KMO: variants seen among roughly 807,000 people sequenced by gnomAD.
KMO encodes the protein kynurenine 3-hydroxylase.
In KMO, 24 loss-of-function variants were observed where a neutral mutation model predicts 57.8. The ratio of observed to expected loss-of-function variants is 0.42; its 90% CI spans 0.30 to 0.58. KMO has a LOEUF of 0.58. Ranked by LOEUF, KMO falls within the 20% of genes least tolerant of loss-of-function variation. The pLI is 0.22. For missense variants in KMO, 483 were observed against 588.2 expected (o/e 0.82, Z 1.85); for synonymous variants, 210 against 193.6 (o/e 1.08, Z -0.70).
chr1:241,577,596 G>C (rs189416884), intron 10 of KMO, among the ~76,000 whole-genome samples: 120 of 152,182 alleles, frequency 7.9e-4, no homozygotes, highest in African/African-American at 2.7e-3. Context: ...GTGTGTACAA[G>C]TTCACGGTCT....
At chr1:241,566,262 A>G (rs940837783) in intron 8 of KMO, among the ~76,000 whole-genome samples, 8 of 152,186 alleles carry the variant, frequency 5.3e-5, no homozygotes, top group African/African-American at 1.9e-4. Context: ...AGAGTTTACA[A>G]TATAGAAATT....
At chr1:241,575,024 A>G (rs190345955) in intron 10 of KMO, among the ~76,000 whole-genome samples, 3 of 152,052 alleles carry the variant, frequency 2.0e-5, no homozygotes, top group East Asian at 3.9e-4. Flanking sequence ...AAATTTATCC[A>G]TTTCCTCTAG....
At chr1:241,554,375 C>G (rs940732733) in intron 4 of KMO, among the ~76,000 whole-genome samples, 4 of 151,790 alleles carry the variant, frequency 2.6e-5, no homozygotes, top group Admixed American at 2.6e-4. Context: ...ACTTAGGCCT[C>G]TCGGGTTCAA....
intron 1 of KMO, among the ~76,000 whole-genome samples, chr1:241,536,263 C>A (rs990526506): frequency 1.3e-5 from 2 of 152,064 alleles, no homozygotes; most frequent in Admixed American, 6.6e-5. Flanking sequence ...CAAAAAAAAC[C>A]TGCATTACAA....
intron 7 of KMO, among the ~76,000 whole-genome samples, 188 bp from the exon 8 acceptor site, chr1:241,564,798 GT>G (rs879251053): frequency 6.6e-6 from 1 of 152,136 alleles, no homozygotes; most frequent in South Asian, 2.1e-4. Context: ...CCTACCTAAG[GT>G]TGAGTTTATA....
chr1:241,566,265 T>C (rs1307170498), intron 8 of KMO, among the ~76,000 whole-genome samples: 1 of 152,118 alleles, frequency 6.6e-6, no homozygotes, highest in African/African-American at 2.4e-5. Context: ...GTTTACAATA[T>C]AGAAATTGTC....
intron 14 of KMO, among the ~76,000 whole-genome samples, chr1:241,591,410 A>G (rs1663293582): frequency 6.7e-6 from 1 of 149,480 alleles, no homozygotes; most frequent in Non-Finnish European, 1.5e-5. Context: ...TGAGTATTCA[A>G]GTAGATTTCT....
chr1:241,536,700 GA>G (rs911418392), intron 1 of KMO: 3 of 164,092 alleles, frequency 1.8e-5, no homozygotes, highest in Admixed American at 6.5e-5. Flanking sequence ...CTGCAAAAAA[GA>G]AACCCCACTG....
At chr1:241,549,604 A>G in intron 2 of KMO, 73 bp from the exon 3 acceptor site, 1 of 828,232 alleles carries the variant, frequency 1.2e-6, no homozygotes, top group Non-Finnish European at 2.0e-6. Flanking sequence ...AGTTGTTCAG[A>G]TGCAGTAATT....
At position 241,559,348 on chromosome 1, in the gene KMO, T is replaced by C. The variant is rs914670598; in HGVS notation, c.362-1317T>C. Among the ~76,000 whole-genome samples the C allele has an allele frequency of 3.3e-5, 5 of 152,334 alleles. No homozygotes were observed. The Middle Eastern group carries it at 0.01, about 311-fold the overall frequency. On this transcript the variant is annotated intron_variant, in intron 5 of 14. Transcript: ENST00000366559. ...TCAGCATTACTCTAGTCTTTGGCAA[T>C]GGAACAGTTTTTTTAGGGAGTATAT...
intron 1 of KMO, among the ~76,000 whole-genome samples, chr1:241,545,917 A>C (rs748018586): frequency 3.3e-5 from 5 of 152,176 alleles, no homozygotes; most frequent in South Asian, 2.1e-4. Context: ...TGGCAAATAC[A>C]ATGGCTAAAA....
chr1:241,548,238 C>T (rs1341878572), intron 1 of KMO, among the ~76,000 whole-genome samples: 1 of 152,032 alleles, frequency 6.6e-6, no homozygotes, highest in Non-Finnish European at 1.5e-5. Flanking sequence ...TGAGACCAGA[C>T]TGGGCAACAT....
At chr1:241,566,454 C>G (rs780794073) in intron 8 of KMO, 37 bp from the exon 9 acceptor site, 1 of 1,592,880 alleles carries the variant, frequency 6.3e-7, no homozygotes, top group Non-Finnish European at 8.6e-7. Context: ...TCACTTGGCC[C>G]CCATCCCCTT....
intron 1 of KMO, among the ~76,000 whole-genome samples, chr1:241,540,799 C>T (rs1026503332): frequency 6.6e-6 from 1 of 152,096 alleles, no homozygotes; most frequent in Non-Finnish European, 1.5e-5. Context: ...CATGATGGTT[C>T]ATGCCTATAA....
At chr1:241,553,102 A>G (rs1276896252) in intron 4 of KMO, among the ~76,000 whole-genome samples, 1 of 152,252 alleles carries the variant, frequency 6.6e-6, no homozygotes, top group Non-Finnish European at 1.5e-5. Flanking sequence ...TCCAAAGGAT[A>G]TATCTAACCT....
In KMO at chr1:241,594,321, G is replaced by A; in HGVS notation, c.*2168G>A. 8.0e-7 allele frequency: 1 copy of A among 1,245,206 alleles called. No homozygotes were observed. Among genetic ancestry groups the A allele is most frequent in the Non-Finnish European group, 1.1e-6 (1 of 895,162 alleles). 77.1% of individuals were successfully genotyped at this position (1,245,206 alleles called of 1,614,324 possible). A position where few individuals can be genotyped will look rare whatever the true frequency, so the allele number is the denominator to read the frequency against. ...ATTCGGATTTCCTGCTGGACCACAAGGTTCTGTTGATATTACATAGAACGG... is the reference window on the plus strand; with the variant it reads ...ATTCGGATTTCCTGCTGGACCACAAAGTTCTGTTGATATTACATAGAACGG... On this transcript the variant is annotated 3_prime_UTR_variant, in exon 15 of 15. Transcript: ENST00000366559.
At chr1:241,533,642 C>G (rs927036015) in intron 1 of KMO, among the ~76,000 whole-genome samples, 3 of 152,158 alleles carry the variant, frequency 2.0e-5, no homozygotes, top group Non-Finnish European at 2.9e-5. Context: ...TCAACAAAAT[C>G]TGATTACTAT....
At chr1:241,587,167 T>G (rs1663031379) in intron 11 of KMO, among the ~76,000 whole-genome samples, 1 of 152,172 alleles carries the variant, frequency 6.6e-6, no homozygotes, top group Admixed American at 6.5e-5. Flanking sequence ...GATGAAACTG[T>G]TCCTGCTCTG....
In KMO at chr1:241,568,632, G is replaced by C; in HGVS notation, c.942G>C (p.Gly314=). 1 of 1,613,594 alleles carries C rather than the reference G, an allele frequency of 6.2e-7. No individual in the cohort carries two copies. The highest frequency in any genetic ancestry group is 8.5e-7 in the Non-Finnish European group (1 of 1,179,748). The change falls in exon 10 of 15, where the codon GGG becomes GGC. Residue 314 remains glycine (G), a synonymous_variant. Coordinates refer to ENST00000366559, the MANE Select transcript of KMO (RefSeq NM_003679.5). The part of the protein sequence containing the change: ...DAAHAIVPFF[G]QGMNAGFEDC... ...CTCATGCTATAGTGCCGTTTTTTGG[G>C]CAAGGAATGAATGCGGTAAGTTCTT...
Sources: gnomAD v4.1 joint callset for allele counts (sites outside exome capture counted in the v4.1 genomes callset) on GRCh38, gnomAD v4.1.1 for gene constraint, MANE v1.5 for transcripts, NCBI Gene and HGNC (gene_info 2026-07-23, HGNC 2026-07-21) for gene names.